SUPT3H: variants seen among roughly 807,000 people sequenced by gnomAD.
SUPT3H encodes the protein transcription initiation protein SPT3 homolog.
SUPT3H carries 44 observed loss-of-function variants against 44.3 expected under a neutral mutation model. The observed-to-expected ratio is 0.99, with a 90% CI of 0.78 to 1.28. The LOEUF is 1.28. Among genes scored for constraint, SUPT3H ranks in the 50% most tolerant of loss-of-function variants. SUPT3H has a pLI of 0.00. For synonymous variants in SUPT3H, 124 were observed against 125.6 expected, an observed-to-expected ratio of 0.99 and a Z score of 0.09; for missense variants, 380 against 387.1, an observed-to-expected ratio of 0.98 and a Z score of 0.15.
At position 45,162,349 on chromosome 6, in the gene SUPT3H, T is replaced by C. The variant is rs988980629; in HGVS notation, c.102-56343A>G. Among the ~76,000 whole-genome samples the C allele has an allele frequency of 4.0e-5, 6 of 151,784 alleles. No individual in the cohort carries two copies. The East Asian group carries it at 9.7e-4, about 24-fold the overall frequency. ...GGCAGGCCTGGGCAACATAGCAAGA[T>C]CCCTTCTCTACAAAAATAAAAACTC... is the stretch of plus-strand genomic sequence containing the variant. On this transcript the variant is annotated intron_variant, in intron 2 of 10. Transcript: ENST00000371459.
intron 2 of SUPT3H, among the ~76,000 whole-genome samples, chr6:45,269,320 T>C (rs369767095): frequency 6.6e-6 from 1 of 152,190 alleles, no homozygotes; most frequent in Non-Finnish European, 1.5e-5. Flanking sequence ...CTCATTTGTT[T>C]AACACCATTT....
chr6:45,003,722 G>A lies in SUPT3H; in HGVS notation c.435C>T (p.Asp145=). 1 of 1,613,712 alleles carries A rather than the reference G, an allele frequency of 6.2e-7. No homozygotes were observed. The highest frequency in any genetic ancestry group is 1.7e-5 in the Admixed American group (1 of 59,976). Residue 145 remains aspartate, a synonymous_variant, in exon 6 of 11, where the codon GAC becomes GAT. Coordinates refer to ENST00000371459, the MANE Select transcript of SUPT3H (RefSeq NM_003599.4). ...KIAQDFLNSI[D]QTGELLAMFE... ...ACATTGCTAAAAGTTCTCCTGTCTG[G>A]TCAATAGAGTTGAGGAAGTCCTGAG...
intron 2 of SUPT3H, among the ~76,000 whole-genome samples, chr6:45,164,146 G>C (rs1344120628): frequency 6.6e-6 from 1 of 152,084 alleles, no homozygotes; most frequent in Non-Finnish European, 1.5e-5. Flanking sequence ...ACAGAGCTGT[G>C]GGGGGCAGTG....
chr6:45,226,413 G>A (rs992201990), intron 2 of SUPT3H, among the ~76,000 whole-genome samples: 1 of 152,042 alleles, frequency 6.6e-6, no homozygotes, highest in Non-Finnish European at 1.5e-5. Context: ...GACTGACTGT[G>A]GTATTGTGCT....
At chr6:45,306,560 G>C (rs116809915) in intron 2 of SUPT3H, among the ~76,000 whole-genome samples, 2,664 of 152,244 alleles carry the variant, frequency 0.017, 48 homozygotes, top group South Asian at 0.085. Context: ...TCTGCAAGGG[G>C]TGACTACTCC....
At chr6:45,266,880 A>T (rs758928190) in intron 2 of SUPT3H, among the ~76,000 whole-genome samples, 1 of 152,126 alleles carries the variant, frequency 6.6e-6, no homozygotes, top group Non-Finnish European at 1.5e-5. Flanking sequence ...TCCAAAATCC[A>T]AAAGTTTTTG....
chr6:45,016,057 C>T (rs1055286685), intron 4 of SUPT3H, among the ~76,000 whole-genome samples: 8 of 151,842 alleles, frequency 5.3e-5, no homozygotes, highest in Non-Finnish European at 1.2e-4. Flanking sequence ...AAACAAGTAA[C>T]AATCATTTAT....
intron 2 of SUPT3H, among the ~76,000 whole-genome samples, chr6:45,297,065 C>T (rs977098897): frequency 1.2e-4 from 17 of 138,130 alleles, no homozygotes; most frequent in South Asian, 6.9e-4. Context: ...CAATAACCTA[C>T]GGAAATAAAT....
intron 4 of SUPT3H, among the ~76,000 whole-genome samples, chr6:45,015,622 A>G (rs73442933): frequency 0.12 from 17,871 of 152,108 alleles, 1,240 homozygotes; most frequent in African/African-American, 0.19. Context: ...TATAGACTTA[A>G]TTTAAAAAAT....
At chr6:45,315,965 A>G (rs577108296) in intron 2 of SUPT3H, among the ~76,000 whole-genome samples, 1 of 151,576 alleles carries the variant, frequency 6.6e-6, no homozygotes, top group Non-Finnish European at 1.5e-5. Context: ...AGATAGATAG[A>G]TAGATAGATG....
At chr6:45,079,987 G>C (rs576482210) in intron 3 of SUPT3H, among the ~76,000 whole-genome samples, 1 of 152,240 alleles carries the variant, frequency 6.6e-6, no homozygotes, top group South Asian at 2.1e-4. Context: ...CACAGCAAAG[G>C]AAACAATCAA....
At chr6:45,281,838 C>A (rs1192037964) in intron 2 of SUPT3H, among the ~76,000 whole-genome samples, 5 of 152,136 alleles carry the variant, frequency 3.3e-5, no homozygotes, top group East Asian at 3.9e-4. Context: ...AGGCACCCCC[C>A]AGTAGGGGCA....
chr6:45,202,916 G>A (rs773422795), intron 2 of SUPT3H, among the ~76,000 whole-genome samples: 15 of 152,050 alleles, frequency 9.9e-5, no homozygotes, highest in Non-Finnish European at 2.2e-4. Flanking sequence ...ATGTGTGTGT[G>A]TGTATATATA....
chr6:45,115,373 G>C (rs553854394), intron 2 of SUPT3H, among the ~76,000 whole-genome samples: 2 of 152,224 alleles, frequency 1.3e-5, no homozygotes, highest in African/African-American at 4.8e-5. Context: ...CAGATTGACA[G>C]TGTCCAGAAG....
At chr6:45,180,697 C>G (rs1157188720) in intron 2 of SUPT3H, among the ~76,000 whole-genome samples, 1 of 152,038 alleles carries the variant, frequency 6.6e-6, no homozygotes, top group East Asian at 1.9e-4. Context: ...CCCTTCCTTA[C>G]ACCTTATACA....
At chr6:45,217,533 T>TA (rs1228243818) in intron 2 of SUPT3H, among the ~76,000 whole-genome samples, 1 of 151,750 alleles carries the variant, frequency 6.6e-6, no homozygotes, top group Non-Finnish European at 1.5e-5. Flanking sequence ...CTAGAATAAG[T>TA]CACATGTATG....
At chr6:44,899,495 G>A (rs1043735104) in intron 10 of SUPT3H, among the ~76,000 whole-genome samples, 2 of 152,106 alleles carry the variant, frequency 1.3e-5, no homozygotes, top group Non-Finnish European at 2.9e-5. Flanking sequence ...AGACCAGCCT[G>A]GCCAACATGG....
chr6:44,962,088 T>G (rs1325437332), intron 6 of SUPT3H, among the ~76,000 whole-genome samples: 8 of 152,206 alleles, frequency 5.3e-5, no homozygotes, highest in Non-Finnish European at 2.9e-5. Flanking sequence ...CACGTCTAAA[T>G]TTTCTGACTT....
At chr6:45,106,964 G>A (rs1031708672) in intron 2 of SUPT3H, among the ~76,000 whole-genome samples, 1 of 152,162 alleles carries the variant, frequency 6.6e-6, no homozygotes, top group Non-Finnish European at 1.5e-5. Context: ...ACATAGAAAG[G>A]TATAAAAGTG....
Sources: allele counts gnomAD v4.1 joint callset (sites outside exome capture counted in the v4.1 genomes callset), GRCh38; gene constraint gnomAD v4.1.1; transcripts MANE v1.5; gene names NCBI Gene and HGNC (gene_info 2026-07-23, HGNC 2026-07-21).